VPS53: variants seen among roughly 807,000 people sequenced by gnomAD.
The protein encoded by VPS53 is vacuolar protein sorting-associated protein 53 homolog.
Under a neutral mutation model 107.0 loss-of-function variants are expected in VPS53, and 70 were observed. The ratio of observed to expected loss-of-function variants is 0.65; its 90% confidence interval spans 0.54 to 0.80. The LOEUF is 0.80. Among genes scored for constraint, VPS53 ranks in the 30% least tolerant of loss-of-function variants. The pLI is 0.00. For missense variants in VPS53, 917 were observed against 1,049.4 expected (o/e 0.87, Z 1.74); for synonymous variants, 409 against 393.3 (o/e 1.04, Z -0.47).
intron 17 of VPS53, chr17:538,003 A>G (rs1381274175): frequency 6.6e-6 from 1 of 152,350 alleles, no homozygotes; most frequent in Non-Finnish European, 1.5e-5. Context: ...GGGAGAGAAC[A>G]TTGCTGAGAG....
At chr17:671,027 T>TA (rs1376274451) in intron 4 of VPS53, among the ~76,000 whole-genome samples, 1 of 152,082 alleles carries the variant, frequency 6.6e-6, no homozygotes, top group Non-Finnish European at 1.5e-5. Flanking sequence ...GGTCAGGAGT[T>TA]AGAGACCAGC....
chr17:691,709 C>T (rs776039241), intron 4 of VPS53, among the ~76,000 whole-genome samples: 1 of 152,210 alleles, frequency 6.6e-6, no homozygotes, highest in Non-Finnish European at 1.5e-5. Flanking sequence ...TTCCTTCACC[C>T]AGTATATCCA....
intron 2 of VPS53, among the ~76,000 whole-genome samples, chr17:706,349 C>T (rs566364069): frequency 1.3e-5 from 2 of 151,974 alleles, no homozygotes; most frequent in South Asian, 4.2e-4. Context: ...CCATCCTGGC[C>T]AACATGGTGA....
chr17:549,255 G>A (rs527546213), intron 17 of VPS53, among the ~76,000 whole-genome samples: 6 of 152,284 alleles, frequency 3.9e-5, no homozygotes, highest in Non-Finnish European at 7.4e-5. Flanking sequence ...CAGGATGCAG[G>A]CATCAAGAAC....
chr17:586,876 C>A (rs1187112534), intron 12 of VPS53, among the ~76,000 whole-genome samples: 1 of 152,156 alleles, frequency 6.6e-6, no homozygotes, highest in Non-Finnish European at 1.5e-5. Flanking sequence ...TAGACGTCTG[C>A]TTTTCTTAAA....
Position 510,635 on chromosome 17 carries a change from A to T in VPS53, c.*8493T>A, listed in dbSNP as rs944612315. The T allele has an allele frequency of 6.5e-6, 1 of 153,920 alleles. No homozygotes were observed. Among genetic ancestry groups the T allele is most frequent in the Non-Finnish European group, 1.4e-5 (1 of 69,250 alleles). The allele number at this position is 153,920 out of a possible 1,614,324, so 9.5% of individuals were successfully genotyped here. ...CTTAACTTAGCAGGAATTTCATCCGATGAGATAATGTATCCAGGACACAGT... is the reference window on the plus strand; with the variant it reads ...CTTAACTTAGCAGGAATTTCATCCGTTGAGATAATGTATCCAGGACACAGT... On this transcript the variant is annotated 3_prime_UTR_variant, in exon 22 of 22. Coordinates refer to ENST00000437048, the MANE Select transcript of VPS53 (RefSeq NM_001128159.3).
intron 7 of VPS53, among the ~76,000 whole-genome samples, chr17:640,102 G>C (rs1298496704): frequency 2.0e-5 from 3 of 152,188 alleles, no homozygotes; most frequent in Non-Finnish European, 4.4e-5. Flanking sequence ...AGCAATGGCG[G>C]GCGCCCCTCT....
At chr17:602,893 C>G (rs1369484837) in intron 11 of VPS53, among the ~76,000 whole-genome samples, 1 of 152,092 alleles carries the variant, frequency 6.6e-6, no homozygotes, top group Non-Finnish European at 1.5e-5. Context: ...ACTGGACAAA[C>G]AGAAAAGAGG....
intron 15 of VPS53, among the ~76,000 whole-genome samples, chr17:558,193 C>T (rs927081091): frequency 2.6e-5 from 4 of 152,228 alleles, no homozygotes; most frequent in African/African-American, 9.6e-5. Flanking sequence ...TTTGGCTGGG[C>T]ATGGTGGCTC....
At chr17:563,287 C>CTTTTTTTTTTT (rs36076034) in intron 13 of VPS53, among the ~76,000 whole-genome samples, 1 of 103,300 alleles carries the variant, frequency 9.7e-6, no homozygotes, top group African/African-American at 4.0e-5. Flanking sequence ...ACTTCATTTC[C>CTTTTTTTTTTT]TTTTTTTTTT....
intron 11 of VPS53, among the ~76,000 whole-genome samples, chr17:608,948 T>C (rs1968712220): frequency 6.6e-6 from 1 of 152,152 alleles, no homozygotes; most frequent in Non-Finnish European, 1.5e-5. Context: ...AATATTTATC[T>C]GAAGAGTAAA....
Position 653,388 on chromosome 17 carries a change from A to G in VPS53, c.511T>C (p.Tyr171His). 6.2e-7 allele frequency: 1 copy of G among 1,614,214 alleles called. No individual in the cohort carries two copies. The highest frequency in any genetic ancestry group is 8.5e-7 in the Non-Finnish European group (1 of 1,180,046). The part of the protein sequence containing the change: ...SLEAMTRRRQ[Y>H]GEVANLLQGV... The stretch of plus-strand genomic sequence containing the variant: ...TGAAGGAGATTAGCAACTTCTCCGT[A>G]TTGTCTTCGCCTGGTCATGGCTCTG... Residue 171 changes from tyrosine to histidine, a missense_variant, in exon 7 of 22, where the codon TAC (tyrosine) becomes CAC (histidine). Physicochemically the swap from Tyr to His is moderately conservative, Grantham distance 83. Coordinates refer to ENST00000437048, the MANE Select transcript of VPS53 (RefSeq NM_001128159.3).
chr17:695,084 G>T, intron 4 of VPS53, among the ~76,000 whole-genome samples: 1 of 152,166 alleles, frequency 6.6e-6, no homozygotes, highest in African/African-American at 2.4e-5. Flanking sequence ...TTACCTTCCA[G>T]GAGCTTACAA....
chr17:540,863 TCTGA>T, intron 17 of VPS53, among the ~76,000 whole-genome samples: 1 of 152,278 alleles, frequency 6.6e-6, no homozygotes, highest in East Asian at 1.9e-4. Flanking sequence ...AAGTATGTGC[TCTGA>T]CTGACGCTCC....
At chr17:606,325 C>T (rs1291064499) in intron 11 of VPS53, among the ~76,000 whole-genome samples, 4 of 152,114 alleles carry the variant, frequency 2.6e-5, no homozygotes, top group South Asian at 2.1e-4. Flanking sequence ...GACCCGGGTT[C>T]GAGTCCAGGT....
chr17:710,296 T>G (rs1973589590), intron 2 of VPS53, among the ~76,000 whole-genome samples: 1 of 152,074 alleles, frequency 6.6e-6, no homozygotes, highest in Non-Finnish European at 1.5e-5. Context: ...AGCAGAAAAT[T>G]TGGGAGGACT....
Position 665,654 on chromosome 17 carries a change from G to T in VPS53, c.286-3759C>A, listed in dbSNP as rs181224120. Among the ~76,000 whole-genome samples, 150 of 152,326 alleles carry T rather than the reference G, an allele frequency of 9.8e-4. 1 individual carries two copies. Among genetic ancestry groups the T allele is most frequent in the African/African-American group, 3.4e-3 (140 of 41,588 alleles). On this transcript the variant is annotated intron_variant, in intron 4 of 21. Transcript: ENST00000437048. ...CTCAGAAGAAAAGCAGAAATGTAGA[G>T]AAAGTCTGGAACTTCTTAGAAATTA... is the stretch of plus-strand genomic sequence containing the variant.
At position 562,742 on chromosome 17, in the gene VPS53, G is replaced by A. The variant is rs1401756886; in HGVS notation, c.1317C>T (p.Asn439=). ...CAAACCGATCTATCAGCTCTCCGAG[G>A]TTCCTAGGAGGAAAAAAAAAAACCA... is the stretch of plus-strand genomic sequence containing the variant. ...LYVYIESQDK[N]LGELIDRFVA... is the part of the protein sequence containing the mutation. Residue 439 remains asparagine, a synonymous_variant, in exon 14 of 22, where the codon AAC becomes AAT. Transcript: ENST00000437048. The A allele has an allele frequency of 6.3e-7, 1 of 1,583,432 alleles. No homozygotes were observed. The highest frequency in any genetic ancestry group is 1.2e-5 in the South Asian group (1 of 86,434).
At chr17:605,833 G>A (rs61697101) in intron 11 of VPS53, among the ~76,000 whole-genome samples, 1,690 of 152,104 alleles carry the variant, frequency 0.011, 26 homozygotes, top group African/African-American at 0.034. Context: ...GGGGTGGCGG[G>A]AGCCCCATCA....
Sources: allele counts gnomAD v4.1 joint callset (sites outside exome capture counted in the v4.1 genomes callset), GRCh38; gene constraint gnomAD v4.1.1; transcripts MANE v1.5; gene names NCBI Gene and HGNC (gene_info 2026-07-23, HGNC 2026-07-21).